The following CDS2 variants were observed in gnomAD, a reference collection of about 807,000 sequenced individuals.
CDS2 encodes the protein CDP-diacylglycerol synthase 2.
Under a neutral mutation model 59.0 loss-of-function variants are expected in CDS2, and 47 were observed. The observed-to-expected ratio is 0.80, with a 90% CI of 0.63 to 1.02. The LOEUF is 1.02. CDS2 is among the 50% of genes least tolerant of loss of function. The probability of loss-of-function intolerance (pLI) is 0.00; values close to 1 mark genes in which losing one functional copy is unlikely to be tolerated. For synonymous variants in CDS2, 207 were observed against 206.4 expected, an observed-to-expected ratio of 1.00 and a Z score of -0.02; for missense variants, 356 against 558.9, an observed-to-expected ratio of 0.64 and a Z score of 3.66.
intron 1 of CDS2, among the ~76,000 whole-genome samples, chr20:5,140,274 C>T (rs958339608): frequency 6.6e-6 from 1 of 152,064 alleles, no homozygotes; most frequent in Non-Finnish European, 1.5e-5. Flanking sequence ...GTATGGTATT[C>T]TTAGATAAGT....
rs539630706 is a variant in CDS2 at position 5,155,012 on chromosome 20, A to G, written c.58-18511A>G. On this transcript the variant is annotated intron_variant, in intron 1 of 12. Transcript: ENST00000460006. ...AAGGGAAACAAATGGAAACATCTATAGACCTATATGTTCCATAGGGCAAGA... is the reference window on the plus strand; with the variant it reads ...AAGGGAAACAAATGGAAACATCTATGGACCTATATGTTCCATAGGGCAAGA... Among the ~76,000 whole-genome samples the G allele has an allele frequency of 2.6e-5, 4 of 152,382 alleles. No homozygotes were observed. The South Asian group carries it at 8.3e-4, about 32-fold the overall frequency.
At chr20:5,131,221 GTTTA>G (rs1334985947) in intron 1 of CDS2, among the ~76,000 whole-genome samples, 1 of 152,034 alleles carries the variant, frequency 6.6e-6, no homozygotes, top group Non-Finnish European at 1.5e-5. Flanking sequence ...TCTGGAGCAT[GTTTA>G]TTTATAAAAG....
At chr20:5,165,578 T>C (rs2123024283) in intron 1 of CDS2, among the ~76,000 whole-genome samples, 1 of 152,270 alleles carries the variant, frequency 6.6e-6, no homozygotes, top group South Asian at 2.1e-4. Flanking sequence ...AGACAGGGTC[T>C]TGCTCTGTCA....
chr20:5,172,133 A>G (rs1264769177), intron 1 of CDS2, among the ~76,000 whole-genome samples: 1 of 152,086 alleles, frequency 6.6e-6, no homozygotes, highest in South Asian at 2.1e-4. Context: ...TCTTCCATCC[A>G]TTAGTAAGTG....
intron 10 of CDS2, among the ~76,000 whole-genome samples, chr20:5,188,055 CGTGTGT>C (rs71332879): frequency 6.0e-5 from 9 of 148,804 alleles, no homozygotes; most frequent in South Asian, 2.1e-4. Flanking sequence ...TCTTAACGTA[CGTGTGT>C]GTGTGTGTGT....
At chr20:5,170,541 C>T (rs371394757) in intron 1 of CDS2, among the ~76,000 whole-genome samples, 5 of 152,226 alleles carry the variant, frequency 3.3e-5, no homozygotes, top group Non-Finnish European at 5.9e-5. Flanking sequence ...TGTCCCCCTC[C>T]TCCTCTGTGT....
chr20:5,186,042 G>A (rs758535097), intron 9 of CDS2, among the ~76,000 whole-genome samples: 55 of 152,354 alleles, frequency 3.6e-4, no homozygotes, highest in African/African-American at 6.7e-4. Context: ...GCCCTCTCGC[G>A]CCCAGGCATG....
intron 5 of CDS2, 68 bp from the exon 6 acceptor site, chr20:5,182,319 G>A: frequency 7.0e-7 from 1 of 1,420,906 alleles, no homozygotes; most frequent in Non-Finnish European, 9.7e-7. Context: ...ACTTAACATA[G>A]CTAAAGGAGG....
chr20:5,145,641 C>G (rs1037005309), intron 1 of CDS2, among the ~76,000 whole-genome samples: 8 of 152,036 alleles, frequency 5.3e-5, no homozygotes, highest in Non-Finnish European at 1.2e-4. Context: ...TTTTGTCATC[C>G]AGAAATTTGC....
intron 5 of CDS2, among the ~76,000 whole-genome samples, chr20:5,181,781 T>C (rs1333555971): frequency 6.6e-6 from 1 of 152,230 alleles, no homozygotes; most frequent in Admixed American, 6.5e-5. Context: ...GTACAGCATG[T>C]TACCTTACTA....
At chr20:5,130,269 C>T (rs1317539241) in intron 1 of CDS2, among the ~76,000 whole-genome samples, 1 of 152,058 alleles carries the variant, frequency 6.6e-6, no homozygotes, top group African/African-American at 2.4e-5. Context: ...GCCACCGTGC[C>T]CGGCCCATAG....
At chr20:5,166,965 C>T (rs1405245600) in intron 1 of CDS2, among the ~76,000 whole-genome samples, 3 of 152,082 alleles carry the variant, frequency 2.0e-5, no homozygotes. Context: ...TTGAGCCTGC[C>T]TAGATGGTTG....
intron 1 of CDS2, among the ~76,000 whole-genome samples, chr20:5,149,810 G>A (rs1007456697): frequency 3.3e-5 from 5 of 152,114 alleles, no homozygotes; most frequent in Non-Finnish European, 7.4e-5. Context: ...CCGCCCCCCG[G>A]GTTCAAGTGA....
intron 1 of CDS2, among the ~76,000 whole-genome samples, chr20:5,154,587 T>TCTGAAGGAACATTCCAGTGTG (rs1555781667): frequency 7.2e-5 from 11 of 152,144 alleles, no homozygotes; most frequent in Admixed American, 1.3e-4. Flanking sequence ...AGTGCCAGTG[T>TCTGAAGGAACATTCCAGTGTG]CTGAAGGAGC....
chr20:5,170,350 G>A (rs1270666792), intron 1 of CDS2, among the ~76,000 whole-genome samples: 2 of 152,200 alleles, frequency 1.3e-5, no homozygotes, highest in African/African-American at 4.8e-5. Context: ...ACCCTCTGTG[G>A]AAGCTGCCGC....
chr20:5,197,018 A>G lies in CDS2; in HGVS notation c.*6784A>G, dbSNP rs2091162482. The G allele has an allele frequency of 6.6e-6, 1 of 152,284 alleles. No individual in the cohort carries two copies. The highest frequency in any genetic ancestry group is 1.5e-5 in the Non-Finnish European group (1 of 68,044). 9.4% of individuals were successfully genotyped at this position (152,284 alleles called of 1,614,324 possible). A position where few individuals can be genotyped will look rare whatever the true frequency, so the allele number is the denominator to read the frequency against. ...TGGAGGGCAGACTCTAACAGATGCC[A>G]GCTGAACGCTCGCTGGCCCTGGATG... On this transcript the variant is annotated 3_prime_UTR_variant, in exon 13 of 13. Coordinates refer to ENST00000460006, the MANE Select transcript of CDS2 (RefSeq NM_003818.4).
Position 5,135,610 on chromosome 20 carries a change from A to G in CDS2, c.57+8461A>G, listed in dbSNP as rs2090643857. On this transcript the variant is annotated intron_variant, in intron 1 of 12. Transcript: ENST00000460006. ...ATGTGGTGGTTACTTGGCTGGGGTA[A>G]TAGTGAGGCACCCCCTCCCCACCCC... 2.0e-5 allele frequency among the ~76,000 whole-genome samples: 3 copies of G among 152,122 alleles called. No individual in the cohort carries two copies. In the South Asian group the frequency reaches 6.2e-4, roughly 32 times the overall value.
chr20:5,174,842 T>C (rs969514871), intron 2 of CDS2, among the ~76,000 whole-genome samples: 2 of 152,222 alleles, frequency 1.3e-5, no homozygotes, highest in African/African-American at 2.4e-5. Context: ...GAAAAAAATA[T>C]TTTTTTCTTC....
At chr20:5,175,112 T>G in intron 2 of CDS2, 71 bp from the exon 3 acceptor site, 1 of 1,100,224 alleles carries the variant, frequency 9.1e-7, no homozygotes, top group Non-Finnish European at 1.4e-6. Context: ...TCCATATCCC[T>G]TGAGTTTGTG....
Sources: allele counts gnomAD v4.1 joint callset (sites outside exome capture counted in the v4.1 genomes callset), GRCh38; gene constraint gnomAD v4.1.1; transcripts MANE v1.5; gene names NCBI Gene and HGNC (gene_info 2026-07-23, HGNC 2026-07-21).